The following RBKS variants were observed in gnomAD, a reference collection of about 807,000 sequenced individuals.
The protein encoded by RBKS is ribokinase.
Under a neutral mutation model 33.9 loss-of-function variants are expected in RBKS, and 33 were observed. The observed-to-expected ratio is 0.97, with a 90% confidence interval of 0.74 to 1.30. The LOEUF (loss-of-function observed/expected upper bound fraction) is 1.30, where lower values mean the gene tolerates loss of function less well. Ranked by LOEUF, RBKS falls within the 50% of genes most tolerant of loss-of-function variation. The probability of loss-of-function intolerance (pLI) is 0.00; values close to 1 mark genes in which losing one functional copy is unlikely to be tolerated. For missense variants in RBKS, 361 were observed against 392.6 expected, an observed-to-expected ratio of 0.92 and a Z score of 0.68; for synonymous variants, 125 against 143.0, an observed-to-expected ratio of 0.87 and a Z score of 0.90.
Position 27,845,806 on chromosome 2 carries a change from C to A in RBKS, c.349+1236G>T, listed in dbSNP as rs748985274. ...CATTGTGACAAATCCTCATTTAACACAAGCACGCTGTCCACAACACATGAG... is the reference window on the plus strand; with the variant it reads ...CATTGTGACAAATCCTCATTTAACAAAAGCACGCTGTCCACAACACATGAG... On this transcript the variant is annotated intron_variant, in intron 4 of 7. Transcript: ENST00000302188. Among the ~76,000 whole-genome samples, 47 of 152,342 alleles carry A rather than the reference C, an allele frequency of 3.1e-4. No individual in the cohort carries two copies. In the Middle Eastern group the frequency reaches 0.02, roughly 66 times the overall value.
chr2:27,854,903 T>C (rs1294382217), intron 2 of RBKS, among the ~76,000 whole-genome samples: 1 of 152,174 alleles, frequency 6.6e-6, no homozygotes, highest in Non-Finnish European at 1.5e-5. Flanking sequence ...ATCCATCACC[T>C]CCAAGTTTCC....
At chr2:27,866,092 AT>A (rs893775596) in intron 1 of RBKS, among the ~76,000 whole-genome samples, 34 of 152,188 alleles carry the variant, frequency 2.2e-4, no homozygotes, top group African/African-American at 6.7e-4. Flanking sequence ...TTCCTTTAAC[AT>A]TTATTATAGT....
At chr2:27,794,024 G>A (rs1177993514) in intron 7 of RBKS, among the ~76,000 whole-genome samples, 1 of 152,030 alleles carries the variant, frequency 6.6e-6, no homozygotes, top group Non-Finnish European at 1.5e-5. Context: ...TGGGGGCTGG[G>A]CGCGGTGGCT....
chr2:27,786,801 A>T (rs944622303), intron 7 of RBKS, among the ~76,000 whole-genome samples: 4 of 137,922 alleles, frequency 2.9e-5, no homozygotes, highest in South Asian at 4.7e-4. Flanking sequence ...AAAAAGAAAG[A>T]AAGTTTAAAA....
intron 1 of RBKS, among the ~76,000 whole-genome samples, chr2:27,872,008 A>C (rs1384232296): frequency 1.3e-5 from 2 of 152,202 alleles, no homozygotes; most frequent in Non-Finnish European, 2.9e-5. Context: ...TCACGCTACT[A>C]TGAGAAACTA....
At chr2:27,832,904 G>T in intron 5 of RBKS, 127 bp from the exon 6 acceptor site, 3 of 657,062 alleles carry the variant, frequency 4.6e-6, no homozygotes, top group Non-Finnish European at 8.3e-6. Flanking sequence ...TATCCACTTA[G>T]TTACGGATGT....
chr2:27,847,023 CAATATGCAA>C lies in RBKS; in HGVS notation c.349+10_349+18del. On this transcript the variant is annotated intron_variant, in intron 4 of 7. Transcript: ENST00000302188. ...TACACTGTCTTATGAAATGACACTC[CAATATGCAA>C]AACACTTACCTTCATTATTGACAAT... The C allele has an allele frequency of 1.3e-6, 2 of 1,551,680 alleles. No individual in the cohort carries two copies. The highest frequency in any genetic ancestry group is 1.8e-6 in the Non-Finnish European group (2 of 1,124,284).
chr2:27,860,387 C>A (rs1439576587), intron 1 of RBKS, among the ~76,000 whole-genome samples: 1 of 152,102 alleles, frequency 6.6e-6, no homozygotes, highest in Non-Finnish European at 1.5e-5. Context: ...ACAAACAACA[C>A]TCAGAGCAAC....
chr2:27,813,723 G>C (rs1162066188), intron 7 of RBKS, among the ~76,000 whole-genome samples: 1 of 152,038 alleles, frequency 6.6e-6, no homozygotes, highest in Non-Finnish European at 1.5e-5. Flanking sequence ...AGGGTTCCCA[G>C]AGAAAATAGG....
At chr2:27,880,909 A>G (rs1425344518) in intron 1 of RBKS, among the ~76,000 whole-genome samples, 1 of 152,104 alleles carries the variant, frequency 6.6e-6, no homozygotes, top group Non-Finnish European at 1.5e-5. Flanking sequence ...GAACTAGAAA[A>G]AAGTATTTTA....
chr2:27,855,976 T>C (rs1663850187), intron 2 of RBKS, among the ~76,000 whole-genome samples: 1 of 152,226 alleles, frequency 6.6e-6, no homozygotes, highest in Non-Finnish European at 1.5e-5. Flanking sequence ...TTTTGGTTTC[T>C]ACTTAGAACT....
intron 4 of RBKS, among the ~76,000 whole-genome samples, chr2:27,843,773 T>C (rs2148211931): frequency 6.6e-6 from 1 of 152,314 alleles, no homozygotes; most frequent in Admixed American, 6.5e-5. Flanking sequence ...TGGCTTATAC[T>C]ATAATGGATC....
At chr2:27,836,991 G>A (rs1678536230) in intron 5 of RBKS, among the ~76,000 whole-genome samples, 1 of 150,662 alleles carries the variant, frequency 6.6e-6, no homozygotes. Flanking sequence ...AAAAGTCAAG[G>A]GCCAGCCGAG....
intron 1 of RBKS, among the ~76,000 whole-genome samples, chr2:27,860,847 C>A (rs997718402): frequency 2.0e-5 from 3 of 152,198 alleles, no homozygotes; most frequent in African/African-American, 7.2e-5. Flanking sequence ...AGGACAGGGA[C>A]CAAGTCTGTC....
At chr2:27,852,864 G>C (rs534969768) in intron 2 of RBKS, among the ~76,000 whole-genome samples, 1 of 152,168 alleles carries the variant, frequency 6.6e-6, no homozygotes, top group African/African-American at 2.4e-5. Flanking sequence ...CAGTGCCTGA[G>C]GGTTATAGTG....
Position 27,890,222 on chromosome 2 carries a change from C to G in RBKS, c.89+35G>C. 2 of 1,602,154 alleles carry G rather than the reference C, an allele frequency of 1.2e-6. No individual in the cohort carries two copies. Among genetic ancestry groups the G allele is most frequent in the Non-Finnish European group, 1.7e-6 (2 of 1,171,552 alleles). On this transcript the variant is annotated intron_variant, in intron 1 of 7. Coordinates refer to ENST00000302188, the MANE Select transcript of RBKS (RefSeq NM_022128.3). This position sits in a 1 kb window ranked among gnomAD's most constrained non-coding sequence, Gnocchi z 4.8. ...ATAGCGCACGGCACGCCTCCTCCCC[C>G]GAGCCGCAGACTGAGTAACTGGCCC...
At chr2:27,788,833 A>G (rs1204051299) in intron 7 of RBKS, among the ~76,000 whole-genome samples, 5 of 152,246 alleles carry the variant, frequency 3.3e-5, no homozygotes, top group Non-Finnish European at 7.3e-5. Context: ...CACTCTTGCT[A>G]TGGAAAGTAA....
intron 5 of RBKS, among the ~76,000 whole-genome samples, chr2:27,836,040 C>A (rs1678513063): frequency 6.6e-6 from 1 of 151,842 alleles, no homozygotes; most frequent in East Asian, 2.0e-4. Context: ...ATGCTGAAAC[C>A]CCGTCTCTAC....
At chr2:27,856,308 A>C (rs1018535710) in intron 2 of RBKS, among the ~76,000 whole-genome samples, 12 of 152,236 alleles carry the variant, frequency 7.9e-5, no homozygotes, top group Non-Finnish European at 1.5e-5. Context: ...AATCAGGGGC[A>C]TGGTAGATGT....
Sources: allele counts gnomAD v4.1 joint callset (sites outside exome capture counted in the v4.1 genomes callset), GRCh38; gene constraint gnomAD v4.1.1; non-coding constraint Gnocchi (gnomAD v3.1); transcripts MANE v1.5; gene names NCBI Gene and HGNC (gene_info 2026-07-23, HGNC 2026-07-21).